LPP: variants seen among roughly 807,000 people sequenced by gnomAD.
LPP encodes the protein lipoma-preferred partner.
LPP carries 38 observed loss-of-function variants against 60.4 expected under a neutral mutation model. That is an observed-to-expected ratio of 0.63 (90% CI 0.49 to 0.83). LPP has a LOEUF of 0.83. Among genes scored for constraint, LPP ranks in the 40% least tolerant of loss-of-function variants. The pLI is 0.00. For missense variants in LPP, 902 were observed against 783.6 expected (o/e 1.15, Z -1.80); for synonymous variants, 328 against 290.8 (o/e 1.13, Z -1.30).
intron 6 of LPP, among the ~76,000 whole-genome samples, chr3:188,571,056 T>A (rs1375037846): frequency 6.6e-6 from 1 of 152,092 alleles, no homozygotes; most frequent in Non-Finnish European, 1.5e-5. Flanking sequence ...TTGTGCTAAC[T>A]GTCCTTAAAA....
chr3:188,817,375 G>C (rs1560245433), intron 9 of LPP, among the ~76,000 whole-genome samples: 1 of 152,186 alleles, frequency 6.6e-6, no homozygotes, highest in African/African-American at 2.4e-5. Flanking sequence ...TTGAACAAGA[G>C]CTAGTTTGAG....
At chr3:188,494,822 T>G (rs1809461162) in intron 5 of LPP, among the ~76,000 whole-genome samples, 1 of 151,950 alleles carries the variant, frequency 6.6e-6, no homozygotes, top group South Asian at 2.1e-4. Flanking sequence ...GTGGCCCACT[T>G]AAATCCTCTG....
At chr3:188,823,767 CAA>C (rs1386378275) in intron 9 of LPP, among the ~76,000 whole-genome samples, 1 of 151,428 alleles carries the variant, frequency 6.6e-6, no homozygotes, top group South Asian at 2.1e-4. Flanking sequence ...TGTATTAGTC[CAA>C]AAATATTATG....
chr3:188,309,022 C>CTTCTT (rs1553857355), intron 2 of LPP, among the ~76,000 whole-genome samples: 9 of 119,680 alleles, frequency 7.5e-5, no homozygotes, highest in African/African-American at 2.5e-4. Context: ...TCTTCTTCTT[C>CTTCTT]TTTTTTTTTT....
At chr3:188,733,574 C>G (rs1721425635) in intron 8 of LPP, among the ~76,000 whole-genome samples, 1 of 152,084 alleles carries the variant, frequency 6.6e-6, no homozygotes, top group Non-Finnish European at 1.5e-5. Flanking sequence ...GGACTTTATT[C>G]CAAGATAATT....
chr3:188,682,320 G>A (rs1341853338), intron 7 of LPP, among the ~76,000 whole-genome samples: 1 of 152,154 alleles, frequency 6.6e-6, no homozygotes, highest in Non-Finnish European at 1.5e-5. Flanking sequence ...CAATCCAATG[G>A]TAACACAGAT....
At chr3:188,218,141 G>A (rs569459565) in intron 1 of LPP, among the ~76,000 whole-genome samples, 2 of 152,354 alleles carry the variant, frequency 1.3e-5, no homozygotes, top group African/African-American at 4.8e-5. Flanking sequence ...GCCCAGAAGA[G>A]CTGGGGTTTG....
At chr3:188,713,205 C>A (rs1057392972) in intron 8 of LPP, among the ~76,000 whole-genome samples, 3 of 152,198 alleles carry the variant, frequency 2.0e-5, no homozygotes, top group Middle Eastern at 3.4e-3. Context: ...AGTGGTCTTG[C>A]TAAAATATTT....
chr3:188,841,389 A>ATTTTT lies in LPP; in HGVS notation c.1411-24808_1411-24807insTTTTT, dbSNP rs769453833. Among the ~76,000 whole-genome samples, 126 of 94,524 alleles carry ATTTTT rather than the reference A, an allele frequency of 1.3e-3. 1 individual carries two copies. The highest frequency in any genetic ancestry group is 2.0e-3 in the Non-Finnish European group (103 of 52,446). 62.0% of individuals were successfully genotyped at this position (94,524 alleles called of 152,430 possible). On this transcript the variant is annotated intron_variant, in intron 9 of 11. Coordinates refer to ENST00000617246, the MANE Select transcript of LPP (RefSeq NM_001375462.1). The stretch of plus-strand genomic sequence containing the variant: ...CTAGTTGGTCACCTGCCCTTTCTGA[A>ATTTTT]TTTGTTTTTTTTTTTTTTTTTGAGA...
At chr3:188,817,875 T>C (rs1268350358) in intron 9 of LPP, among the ~76,000 whole-genome samples, 1 of 152,238 alleles carries the variant, frequency 6.6e-6, no homozygotes, top group Non-Finnish European at 1.5e-5. Flanking sequence ...TGCAGACACC[T>C]GTTTAAGAGT....
At chr3:188,682,480 C>G (rs918968704) in intron 7 of LPP, among the ~76,000 whole-genome samples, 3 of 152,228 alleles carry the variant, frequency 2.0e-5, no homozygotes, top group Admixed American at 6.5e-5. Flanking sequence ...CCCTGACTAT[C>G]CCAGGTGCCT....
At chr3:188,318,940 A>T (rs1043310122) in intron 2 of LPP, among the ~76,000 whole-genome samples, 2 of 150,602 alleles carry the variant, frequency 1.3e-5, no homozygotes, top group African/African-American at 2.4e-5. Context: ...TTGTATTTTT[A>T]GTAGAGACGG....
At chr3:188,223,979 A>G (rs1716772075) in intron 1 of LPP, among the ~76,000 whole-genome samples, 1 of 151,864 alleles carries the variant, frequency 6.6e-6, no homozygotes, top group South Asian at 2.1e-4. Flanking sequence ...TAGTGATTAT[A>G]CTCCATTTTG....
rs60989319 is a variant in LPP, at chr3:188,804,243, TTATATATATATATATATATATATATA to T, written c.1410+43976_1410+44001del. On this transcript the variant is annotated intron_variant, in intron 9 of 11. Transcript: ENST00000617246. ...ATTATGTTTTCAATGTAGTGCATCT[TTATATATATATATATATATATATATA>T]TATATATATATATAAAATGGAATAC... Among the ~76,000 whole-genome samples the T allele has an allele frequency of 2.0e-3, 77 of 37,716 alleles. 5 individuals carry two copies. In the East Asian group the frequency reaches 0.038, roughly 19 times the overall value. 24.7% of individuals were successfully genotyped at this position (37,716 alleles called of 152,430 possible).
rs577845110 is a variant in LPP at position 188,302,817 on chromosome 3, A to G, written c.-66-38846A>G. ...GCAATGACTTTTGAAATCACAGCAC[A>G]TTTATTTACTTCTTAACTTTTCCAT... On this transcript the variant is annotated intron_variant, in intron 2 of 11. Transcript: ENST00000617246. Among the ~76,000 whole-genome samples the G allele has an allele frequency of 6.6e-5, 10 of 152,284 alleles. No homozygotes were observed. In the East Asian group the frequency reaches 1.9e-3, roughly 29 times the overall value.
At chr3:188,368,806 G>T (rs1199881009) in intron 3 of LPP, among the ~76,000 whole-genome samples, 1 of 151,348 alleles carries the variant, frequency 6.6e-6, no homozygotes, top group Non-Finnish European at 1.5e-5. Flanking sequence ...ACCCTCTATA[G>T]GACCTCGAAT....
intron 2 of LPP, among the ~76,000 whole-genome samples, chr3:188,269,125 C>T (rs529558674): frequency 1.3e-5 from 2 of 152,264 alleles, no homozygotes; most frequent in South Asian, 4.1e-4. Flanking sequence ...TGTGGGTGAT[C>T]ATATACTATA....
intron 6 of LPP, among the ~76,000 whole-genome samples, chr3:188,542,578 T>G (rs1825504638): frequency 6.6e-6 from 1 of 152,196 alleles, no homozygotes; most frequent in African/African-American, 2.4e-5. Flanking sequence ...ATCTAAACAC[T>G]TTTGTATATG....
chr3:188,489,215 T>C (rs1235304678), intron 5 of LPP, among the ~76,000 whole-genome samples: 1 of 152,202 alleles, frequency 6.6e-6, no homozygotes, highest in Admixed American at 6.5e-5. Context: ...AGTACAGTAC[T>C]CAGAATCACA....
Sources: allele counts gnomAD v4.1 joint callset (sites outside exome capture counted in the v4.1 genomes callset), GRCh38; gene constraint gnomAD v4.1.1; transcripts MANE v1.5; gene names NCBI Gene and HGNC (gene_info 2026-07-23, HGNC 2026-07-21).